CDK14: variants seen among roughly 807,000 people sequenced by gnomAD.
CDK14 encodes cyclin-dependent kinase 14.
Under a neutral mutation model 60.7 loss-of-function variants are expected in CDK14, and 34 were observed. That is an observed-to-expected ratio of 0.56 (90% CI 0.43 to 0.75). The LOEUF is 0.75. Among genes scored for constraint, CDK14 ranks in the 30% least tolerant of loss-of-function variants. The pLI, the probability that CDK14 is intolerant of heterozygous loss-of-function variation, is 0.00. For missense variants in CDK14, 482 were observed against 564.1 expected, an observed-to-expected ratio of 0.85 and a Z score of 1.47; for synonymous variants, 197 against 203.7, an observed-to-expected ratio of 0.97 and a Z score of 0.28.
At chr7:90,730,698 G>C (rs1168911184) in intron 3 of CDK14, among the ~76,000 whole-genome samples, 13 of 151,948 alleles carry the variant, frequency 8.6e-5, no homozygotes, top group African/African-American at 3.1e-4. Flanking sequence ...TTTTGATGTT[G>C]TTTTCTTTTT....
chr7:91,080,312 T>C (rs891100336), intron 12 of CDK14, among the ~76,000 whole-genome samples: 1 of 152,224 alleles, frequency 6.6e-6, no homozygotes, highest in Non-Finnish European at 1.5e-5. Flanking sequence ...CTTTTTCATA[T>C]TAAAATGCTG....
intron 2 of CDK14, among the ~76,000 whole-genome samples, chr7:90,712,617 AAT>A (rs1412732279): frequency 6.6e-6 from 1 of 152,120 alleles, no homozygotes; most frequent in Non-Finnish European, 1.5e-5. Flanking sequence ...AAGGGCAAGG[AAT>A]AAGGAATAGA....
chr7:90,675,135 G>A (rs1339924364), intron 2 of CDK14, among the ~76,000 whole-genome samples: 2 of 152,140 alleles, frequency 1.3e-5, no homozygotes, highest in South Asian at 2.1e-4. Flanking sequence ...TTGAGGATAA[G>A]AGAGCCTGGA....
intron 4 of CDK14, among the ~76,000 whole-genome samples, chr7:90,786,273 A>T (rs1805576604): frequency 1.3e-5 from 2 of 152,184 alleles, no homozygotes; most frequent in South Asian, 4.1e-4. Flanking sequence ...AGCCCTTTTT[A>T]TTTACCTGAA....
intron 5 of CDK14, among the ~76,000 whole-genome samples, chr7:90,848,301 G>A (rs1473050401): frequency 6.6e-6 from 1 of 151,974 alleles, no homozygotes; most frequent in African/African-American, 2.4e-5. Flanking sequence ...TCACCATGTT[G>A]GCCAGGCTTA....
intron 5 of CDK14, among the ~76,000 whole-genome samples, chr7:90,859,946 T>C (rs1050343343): frequency 2.6e-5 from 4 of 152,226 alleles, no homozygotes; most frequent in Non-Finnish European, 5.9e-5. Flanking sequence ...TTTTGTTTTT[T>C]TTCTCTTCAG....
intron 3 of CDK14, among the ~76,000 whole-genome samples, chr7:90,746,671 C>T (rs978931851): frequency 3.3e-5 from 5 of 152,106 alleles, no homozygotes; most frequent in African/African-American, 4.8e-5. Flanking sequence ...AATGCTTCTC[C>T]ACCATGGAGG....
intron 2 of CDK14, among the ~76,000 whole-genome samples, chr7:90,645,758 CA>C (rs2116456887): frequency 6.6e-6 from 1 of 152,228 alleles, no homozygotes; most frequent in Non-Finnish European, 1.5e-5. Flanking sequence ...AAAGCAAGCC[CA>C]CTTCAAGATA....
intron 2 of CDK14, among the ~76,000 whole-genome samples, chr7:90,663,499 CT>C (rs1800906307): frequency 6.6e-6 from 1 of 152,150 alleles, no homozygotes; most frequent in Admixed American, 6.5e-5. Flanking sequence ...CCTTTGAGCT[CT>C]GAGGAGAAAC....
intron 3 of CDK14, among the ~76,000 whole-genome samples, chr7:90,743,544 T>C (rs1252770359): frequency 6.6e-6 from 1 of 152,170 alleles, no homozygotes; most frequent in Non-Finnish European, 1.5e-5. Flanking sequence ...GAGCCCCATA[T>C]ATCCCTTAAT....
At chr7:90,746,050 A>G (rs1405007292) in intron 3 of CDK14, among the ~76,000 whole-genome samples, 2 of 152,090 alleles carry the variant, frequency 1.3e-5, no homozygotes, top group Non-Finnish European at 1.5e-5. Flanking sequence ...GCTTGGGAGG[A>G]CACTGCAGTC....
chr7:90,990,243 A>G (rs897288531), intron 10 of CDK14, among the ~76,000 whole-genome samples: 1 of 152,142 alleles, frequency 6.6e-6, no homozygotes, highest in Non-Finnish European at 1.5e-5. Context: ...GTGCCACTGC[A>G]CTCCAGCCTG....
intron 2 of CDK14, among the ~76,000 whole-genome samples, chr7:90,638,307 C>T (rs1007631175): frequency 6.6e-6 from 1 of 152,094 alleles, no homozygotes; most frequent in Admixed American, 6.6e-5. Flanking sequence ...CCTTCGGGAG[C>T]TCTTTTAGGG....
intron 2 of CDK14, among the ~76,000 whole-genome samples, chr7:90,619,563 A>G (rs1010008365): frequency 8.5e-5 from 13 of 152,238 alleles, no homozygotes; most frequent in Non-Finnish European, 1.5e-4. Flanking sequence ...TTTAACTTCT[A>G]TAAATATTTA....
chr7:90,726,596 C>A lies in CDK14; in HGVS notation c.153C>A (p.Asn51Lys). 1 of 1,613,560 alleles carries A rather than the reference C, an allele frequency of 6.2e-7. No individual in the cohort carries two copies. The highest frequency in any genetic ancestry group is 8.5e-7 in the Non-Finnish European group (1 of 1,179,622). The change falls in exon 3 of 15, where the codon AAC becomes AAA. Residue 51 changes from asparagine (N) to lysine (K), a missense_variant. Physicochemically the swap from Asn to Lys is moderately conservative, Grantham distance 94 (BLOSUM62 0). Transcript: ENST00000380050. ...GTGTCACAAAGATGTCTACACGGAA[C>A]TGCCAGGGAATGGACTCAGTGATCA... Reference protein sequence around the residue: ...EICVTKMSTRNCQGMDSVIKP... With the variant: ...EICVTKMSTRKCQGMDSVIKP...
At chr7:90,801,595 A>G (rs1472382580) in intron 5 of CDK14, among the ~76,000 whole-genome samples, 1 of 152,168 alleles carries the variant, frequency 6.6e-6, no homozygotes, top group Non-Finnish European at 1.5e-5. Context: ...ACAATTCTAT[A>G]CGTTGGCCAC....
chr7:90,689,181 T>A (rs537751204), intron 2 of CDK14, among the ~76,000 whole-genome samples: 2 of 152,282 alleles, frequency 1.3e-5, no homozygotes, highest in Admixed American at 6.5e-5. Context: ...TGAATGTGGT[T>A]GAAGAGGTGG....
In CDK14 at chr7:90,817,289, A is replaced by G. The variant is rs183522061; in HGVS notation, c.544+26637A>G. Among the ~76,000 whole-genome samples the G allele has an allele frequency of 7.0e-3, 1,071 of 152,318 alleles. 6 individuals are homozygous for G. The highest frequency in any genetic ancestry group is 9.0e-3 in the Non-Finnish European group (613 of 68,028). On this transcript the variant is annotated intron_variant, in intron 5 of 14. Coordinates refer to ENST00000380050, the MANE Select transcript of CDK14 (RefSeq NM_001287135.2). The stretch of plus-strand genomic sequence containing the variant: ...ATATATTTTGGACACATGCCATTTC[A>G]GTCAAGTCCTTGAGTATACCCGTAA...
chr7:90,854,555 G>A (rs79302135), intron 5 of CDK14, among the ~76,000 whole-genome samples: 2,468 of 151,758 alleles, frequency 0.016, 74 homozygotes, highest in East Asian at 0.15. Flanking sequence ...TAAAATATAC[G>A]TAAATACAAA....
Sources: allele counts gnomAD v4.1 joint callset (sites outside exome capture counted in the v4.1 genomes callset), GRCh38; gene constraint gnomAD v4.1.1; transcripts MANE v1.5; gene names NCBI Gene and HGNC (gene_info 2026-07-23, HGNC 2026-07-21).